The following SIL1 variants were observed in gnomAD, a reference collection of about 807,000 sequenced individuals.
SIL1 encodes the protein nucleotide exchange factor SIL1.
SIL1 carries 40 observed loss-of-function variants against 49.1 expected under a neutral mutation model. The observed-to-expected ratio is 0.81, with a 90% CI of 0.63 to 1.06. SIL1 has a LOEUF of 1.06. Among genes scored for constraint, SIL1 ranks in the 50% least tolerant of loss-of-function variants. The pLI is 0.00. For synonymous variants in SIL1, 253 were observed against 250.8 expected (o/e 1.01, Z -0.08); for missense variants, 500 against 572.6 (o/e 0.87, Z 1.29).
intron 7 of SIL1, among the ~76,000 whole-genome samples, chr5:138,965,813 A>G (rs1767126629): frequency 2.0e-5 from 3 of 149,512 alleles, no homozygotes; most frequent in Admixed American, 2.0e-4. Flanking sequence ...AGACAGGTCA[A>G]TTAACCTGCC....
chr5:139,010,463 C>G lies in SIL1; in HGVS notation c.767+10708G>C, dbSNP rs942321627. Among the ~76,000 whole-genome samples, 19 of 152,310 alleles carry G rather than the reference C, an allele frequency of 1.2e-4. No individual in the cohort carries two copies. In the East Asian group the frequency reaches 3.7e-3, roughly 29 times the overall value. ...CGTCTGAAGCCTTCTTCTCTCAGCT[C>G]GTCAAAGTCATTCTCCATCCAGCTT... On this transcript the variant is annotated intron_variant, in intron 7 of 9. Transcript: ENST00000394817.
chr5:138,972,787 C>T (rs564150059), intron 7 of SIL1, among the ~76,000 whole-genome samples: 2 of 152,346 alleles, frequency 1.3e-5, no homozygotes, highest in Admixed American at 1.3e-4. Flanking sequence ...CAAAATAGTA[C>T]ATGAACCAAG....
At chr5:139,067,129 T>G (rs1212035906) in intron 3 of SIL1, among the ~76,000 whole-genome samples, 3 of 152,158 alleles carry the variant, frequency 2.0e-5, no homozygotes, top group Non-Finnish European at 4.4e-5. Context: ...GAAAAACAAT[T>G]TCCTCTTTCT....
At chr5:139,131,528 A>T (rs985063067) in intron 1 of SIL1, 3 of 152,236 alleles carry the variant, frequency 2.0e-5, no homozygotes, top group African/African-American at 7.2e-5. Flanking sequence ...CAAATGGAAA[A>T]GCAAAGGCTC....
intron 1 of SIL1, among the ~76,000 whole-genome samples, chr5:139,181,532 A>G (rs745842751): frequency 1.2e-4 from 18 of 152,220 alleles, no homozygotes; most frequent in Admixed American, 2.6e-4. Context: ...GGAGTTCTCA[A>G]ACAAATGATT....
chr5:138,998,832 G>C (rs1284579419), intron 7 of SIL1, among the ~76,000 whole-genome samples: 1 of 148,890 alleles, frequency 6.7e-6, no homozygotes, highest in Non-Finnish European at 1.5e-5. Flanking sequence ...AATAAAGTAG[G>C]ATGCAGAGGA....
chr5:138,986,518 T>C (rs1767652259), intron 7 of SIL1, among the ~76,000 whole-genome samples: 1 of 152,258 alleles, frequency 6.6e-6, no homozygotes, highest in Non-Finnish European at 1.5e-5. Context: ...CCAATCCATT[T>C]TAATAGAGGA....
At chr5:139,158,277 T>C (rs1440775474) in intron 1 of SIL1, among the ~76,000 whole-genome samples, 1 of 152,214 alleles carries the variant, frequency 6.6e-6, no homozygotes, top group Non-Finnish European at 1.5e-5. Context: ...AAGTTAATAG[T>C]GTAAGCTAGA....
chr5:139,107,810 C>T (rs939627411), intron 3 of SIL1, among the ~76,000 whole-genome samples: 1 of 152,248 alleles, frequency 6.6e-6, no homozygotes, highest in Non-Finnish European at 1.5e-5. Context: ...CCTGGCATCA[C>T]AGTAAACATT....
intron 7 of SIL1, among the ~76,000 whole-genome samples, chr5:138,954,530 G>GT: frequency 6.6e-6 from 1 of 152,378 alleles, no homozygotes; most frequent in East Asian, 1.9e-4. Context: ...CCAGGCAAGG[G>GT]GTTGAAGAAA....
At chr5:139,110,164 G>T (rs1228330354) in intron 3 of SIL1, among the ~76,000 whole-genome samples, 1 of 144,962 alleles carries the variant, frequency 6.9e-6, no homozygotes, top group Non-Finnish European at 1.5e-5. Flanking sequence ...GCAAGACTCT[G>T]TCTCGAAAAA....
chr5:139,006,594 G>A (rs1768123657), intron 7 of SIL1, among the ~76,000 whole-genome samples: 2 of 151,916 alleles, frequency 1.3e-5, no homozygotes, highest in African/African-American at 4.8e-5. Flanking sequence ...TAGGTCTAAC[G>A]TTTAAATCTT....
chr5:139,040,081 A>T (rs1212425869), intron 5 of SIL1, among the ~76,000 whole-genome samples: 1 of 152,268 alleles, frequency 6.6e-6, no homozygotes, highest in African/African-American at 2.4e-5. Flanking sequence ...TGTCTATATA[A>T]ATCACAAAAG....
intron 3 of SIL1, among the ~76,000 whole-genome samples, chr5:139,097,980 G>A (rs1391624891): frequency 6.6e-6 from 1 of 152,144 alleles, no homozygotes; most frequent in African/African-American, 2.4e-5. Flanking sequence ...CCATGTCCAT[G>A]GATTGGAAGA....
At chr5:139,195,657 G>T (rs1752254443) in intron 1 of SIL1, among the ~76,000 whole-genome samples, 1 of 152,210 alleles carries the variant, frequency 6.6e-6, no homozygotes, top group Admixed American at 6.5e-5. Flanking sequence ...AAAGTGCTGG[G>T]ATTACAGGCG....
At chr5:138,963,441 A>G (rs1327630081) in intron 7 of SIL1, among the ~76,000 whole-genome samples, 1 of 152,222 alleles carries the variant, frequency 6.6e-6, no homozygotes, top group Non-Finnish European at 1.5e-5. Flanking sequence ...TTTGCCACAC[A>G]ACTGTAGGAA....
At chr5:139,020,829 T>C (rs1325287573) in intron 7 of SIL1, among the ~76,000 whole-genome samples, 1 of 152,228 alleles carries the variant, frequency 6.6e-6, no homozygotes, top group Non-Finnish European at 1.5e-5. Flanking sequence ...TCACTAGATG[T>C]AGCTTTACTG....
Position 139,155,315 on chromosome 5 carries a change from C to T in SIL1, c.-10-27462G>A, listed in dbSNP as rs567895148. Reference sequence around the variant, plus strand: ...GATGGCTTCAACAACGGAAAATTTTCTCACAATTCTGAAGGCCAGAAGTCC... The same window carrying T: ...GATGGCTTCAACAACGGAAAATTTTTTCACAATTCTGAAGGCCAGAAGTCC... On this transcript the variant is annotated intron_variant, in intron 1 of 9. Transcript: ENST00000394817. 2.6e-5 allele frequency: 4 copies of T among 152,300 alleles called. No individual in the cohort carries two copies. The East Asian group carries it at 7.7e-4, about 29-fold the overall frequency. 9.4% of individuals were successfully genotyped at this position (152,300 alleles called of 1,614,324 possible). A position where few individuals can be genotyped will look rare whatever the true frequency, so the allele number is the denominator to read the frequency against.
At chr5:139,166,048 T>C (rs1353136682) in intron 1 of SIL1, among the ~76,000 whole-genome samples, 1 of 152,166 alleles carries the variant, frequency 6.6e-6, no homozygotes, top group Admixed American at 6.5e-5. Flanking sequence ...CTTGGGCACA[T>C]GTTCTCAGGA....
Sources: gnomAD v4.1 joint callset for allele counts (sites outside exome capture counted in the v4.1 genomes callset) on GRCh38, gnomAD v4.1.1 for gene constraint, MANE v1.5 for transcripts, NCBI Gene and HGNC (gene_info 2026-07-23, HGNC 2026-07-21) for gene names.